The following MAGI2 variants were observed in gnomAD, a reference collection of about 807,000 sequenced individuals.
The protein encoded by MAGI2 is membrane-associated guanylate kinase, WW and PDZ domain-containing protein 2.
Under a neutral mutation model 133.3 loss-of-function variants are expected in MAGI2, and 35 were observed. The ratio of observed to expected loss-of-function variants is 0.26; its 90% CI spans 0.20 to 0.35. The LOEUF (loss-of-function observed/expected upper bound fraction) is 0.35. MAGI2 is among the 10% of genes least tolerant of loss of function. MAGI2 has a pLI of 1.00. For missense variants in MAGI2, 1,636 were observed against 1,863.4 expected (o/e 0.88, Z 2.25); for synonymous variants, 729 against 710.6 (o/e 1.03, Z -0.41).
At chr7:78,237,141 T>C (rs906558912) in intron 10 of MAGI2, among the ~76,000 whole-genome samples, 5 of 152,064 alleles carry the variant, frequency 3.3e-5, no homozygotes, top group Admixed American at 6.6e-5. Context: ...AGATTTACCA[T>C]CTGTAAACAC....
chr7:78,634,001 A>T (rs1206559852), intron 2 of MAGI2, among the ~76,000 whole-genome samples: 1 of 152,194 alleles, frequency 6.6e-6, no homozygotes, highest in East Asian at 1.9e-4. Context: ...CACAAATATC[A>T]TTGGTGGTAT....
chr7:78,618,961 G>A (rs1200261869), intron 3 of MAGI2: 2 of 125,074 alleles, frequency 1.6e-5, no homozygotes, highest in Non-Finnish European at 3.2e-5. Context: ...CTATTACTCA[G>A]CATGGTGACT....
chr7:79,222,977 C>A (rs1406730608), intron 1 of MAGI2, among the ~76,000 whole-genome samples: 1 of 151,986 alleles, frequency 6.6e-6, no homozygotes, highest in African/African-American at 2.4e-5. Context: ...CTCCGCCTCC[C>A]GGGTTCACGC....
At chr7:78,801,935 C>T (rs1179713037) in intron 2 of MAGI2, among the ~76,000 whole-genome samples, 1 of 152,112 alleles carries the variant, frequency 6.6e-6, no homozygotes, top group African/African-American at 2.4e-5. Context: ...CTATGAAATG[C>T]ACCGAGGAAA....
intron 1 of MAGI2, among the ~76,000 whole-genome samples, chr7:79,296,121 T>C (rs1026970227): frequency 1.3e-5 from 2 of 152,202 alleles, no homozygotes; most frequent in African/African-American, 4.8e-5. Context: ...AGAGCATTGA[T>C]ATTGTGGCAT....
At chr7:78,367,321 G>A (rs1432383000) in intron 7 of MAGI2, among the ~76,000 whole-genome samples, 1 of 152,166 alleles carries the variant, frequency 6.6e-6, no homozygotes, top group Non-Finnish European at 1.5e-5. Context: ...TTAGGACAGA[G>A]AAGAAAGGTT....
At chr7:78,347,331 G>A (rs893031223) in intron 7 of MAGI2, 1 of 152,234 alleles carries the variant, frequency 6.6e-6, no homozygotes, top group Non-Finnish European at 1.5e-5. Context: ...AACATGGTAA[G>A]TCAACCGTAA....
chr7:78,373,457 T>G (rs2361379), intron 6 of MAGI2, among the ~76,000 whole-genome samples: 116,618 of 152,040 alleles, frequency 0.77, 44,966 homozygotes, highest in African/African-American at 0.83. Flanking sequence ...AAGTGGGAGT[T>G]ATGGGGAGCC....
chr7:78,636,318 T>C (rs2150977090), intron 2 of MAGI2, among the ~76,000 whole-genome samples: 1 of 151,446 alleles, frequency 6.6e-6, no homozygotes, highest in Admixed American at 6.6e-5. Context: ...CACTGGCATA[T>C]ACTAACAATG....
intron 6 of MAGI2, among the ~76,000 whole-genome samples, chr7:78,469,262 T>C (rs998160411): frequency 3.9e-5 from 6 of 152,146 alleles, no homozygotes; most frequent in Non-Finnish European, 7.4e-5. Context: ...ACTAGAATCA[T>C]TAGCCATATG....
At chr7:79,165,678 T>C (rs1824838427) in intron 1 of MAGI2, among the ~76,000 whole-genome samples, 1 of 152,128 alleles carries the variant, frequency 6.6e-6, no homozygotes, top group South Asian at 2.1e-4. Context: ...ATATTTCCTG[T>C]AGTGTTTTAA....
At chr7:79,435,350 G>C (rs1350483283) in intron 1 of MAGI2, among the ~76,000 whole-genome samples, 1 of 152,176 alleles carries the variant, frequency 6.6e-6, no homozygotes, top group Non-Finnish European at 1.5e-5. Context: ...GCCTGTCCTT[G>C]ATGAGTTCCA....
chr7:78,528,089 GCA>G (rs1797138810), intron 3 of MAGI2, among the ~76,000 whole-genome samples: 1 of 152,184 alleles, frequency 6.6e-6, no homozygotes, highest in Admixed American at 6.5e-5. Context: ...TGCAAACAGC[GCA>G]GCTCATCAAT....
chr7:78,416,654 G>A (rs1361723647), intron 6 of MAGI2, among the ~76,000 whole-genome samples: 1 of 152,102 alleles, frequency 6.6e-6, no homozygotes, highest in Non-Finnish European at 1.5e-5. Flanking sequence ...CAAAATCCAT[G>A]TGGAATCTTA....
chr7:79,444,204 A>G (rs955301966), intron 1 of MAGI2, among the ~76,000 whole-genome samples: 1 of 152,224 alleles, frequency 6.6e-6, no homozygotes, highest in Non-Finnish European at 1.5e-5. Context: ...CACAGTCAAT[A>G]TCATACTGAA....
intron 2 of MAGI2, among the ~76,000 whole-genome samples, chr7:78,806,824 T>C (rs1303827441): frequency 6.6e-6 from 1 of 151,116 alleles, no homozygotes; most frequent in Admixed American, 6.6e-5. Context: ...GCCATAATCA[T>C]GCCACTGAAA....
intron 2 of MAGI2, among the ~76,000 whole-genome samples, chr7:78,700,357 C>T (rs923467510): frequency 1.3e-5 from 2 of 152,088 alleles, no homozygotes; most frequent in African/African-American, 4.8e-5. Context: ...AGTTCACATA[C>T]TATGCTTATT....
chr7:79,214,393 C>CTATATA (rs1829788464), intron 1 of MAGI2, among the ~76,000 whole-genome samples: 1 of 91,794 alleles, frequency 1.1e-5, no homozygotes, highest in East Asian at 3.3e-4. Flanking sequence ...CTCTCTCTCT[C>CTATATA]TCTCTCTCTC....
intron 2 of MAGI2, among the ~76,000 whole-genome samples, chr7:78,966,066 A>G (rs1803279844): frequency 6.6e-6 from 1 of 152,080 alleles, no homozygotes; most frequent in Admixed American, 6.6e-5. Context: ...ACTGCCTTTC[A>G]GCATTTGTCC....
Sources: gnomAD v4.1 joint callset for allele counts (sites outside exome capture counted in the v4.1 genomes callset) on GRCh38, gnomAD v4.1.1 for gene constraint, MANE v1.5 for transcripts, NCBI Gene and HGNC (gene_info 2026-07-23, HGNC 2026-07-21) for gene names.